Variants in DNAJC3 observed in about 807,000 individuals in gnomAD.
DNAJC3 encodes the protein DnaJ heat shock protein family (Hsp40) member C3.
A neutral mutation model predicts 68.6 loss-of-function variants in DNAJC3; 38 were observed. The ratio of observed to expected loss-of-function variants is 0.55; its 90% CI spans 0.43 to 0.73. The LOEUF is 0.73. DNAJC3 is among the 30% of genes least tolerant of loss of function. The pLI, the probability that DNAJC3 is intolerant of heterozygous loss-of-function variation, is 0.00. For synonymous variants in DNAJC3, 203 were observed against 204.0 expected, an observed-to-expected ratio of 1.00 and a Z score of 0.04; for missense variants, 526 against 591.9, an observed-to-expected ratio of 0.89 and a Z score of 1.16.
chr13:95,737,250 A>G (rs1375439567), intron 4 of DNAJC3, among the ~76,000 whole-genome samples: 3 of 152,248 alleles, frequency 2.0e-5, no homozygotes, highest in Non-Finnish European at 4.4e-5. Flanking sequence ...TTTTTGCATC[A>G]ATGTTCATCA....
chr13:95,736,972 CTTA>C lies in DNAJC3; in HGVS notation c.393+11726_393+11728del, dbSNP rs796748966. Among the ~76,000 whole-genome samples the C allele has an allele frequency of 3.2e-4, 48 of 151,550 alleles. 1 individual carries two copies. In the South Asian group the frequency reaches 9.6e-3, roughly 30 times the overall value. ...GGCTGTGGGTTTGTCATAGATAGCT[CTTA>C]TTATTTTGAAATAGGTCCCATCAAT... On this transcript the variant is annotated intron_variant, in intron 4 of 11. Transcript: ENST00000602402.
At chr13:95,690,595 G>T (rs984577652) in intron 1 of DNAJC3, among the ~76,000 whole-genome samples, 5 of 150,722 alleles carry the variant, frequency 3.3e-5, no homozygotes. Flanking sequence ...CCCGGACGGG[G>T]CGACTGGCCA....
intron 1 of DNAJC3, among the ~76,000 whole-genome samples, chr13:95,687,492 T>C (rs1449634566): frequency 2.0e-5 from 3 of 152,222 alleles, no homozygotes; most frequent in Non-Finnish European, 4.4e-5. Flanking sequence ...ATTCAGTATA[T>C]TGGCTGTGGG....
chr13:95,687,923 C>T (rs1880112498), intron 1 of DNAJC3, among the ~76,000 whole-genome samples: 1 of 152,128 alleles, frequency 6.6e-6, no homozygotes, highest in African/African-American at 2.4e-5. Flanking sequence ...GAATGTTTTT[C>T]CATTTGCTTG....
chr13:95,754,890 C>G (rs1286919963), intron 4 of DNAJC3, among the ~76,000 whole-genome samples: 4 of 152,130 alleles, frequency 2.6e-5, no homozygotes, highest in Non-Finnish European at 5.9e-5. Context: ...AAGCCCCCAT[C>G]CCGTAGCTAT....
intron 3 of DNAJC3, among the ~76,000 whole-genome samples, 185 bp from the exon 4 acceptor site, chr13:95,724,992 AG>A (rs1157167918): frequency 6.6e-6 from 1 of 152,198 alleles, no homozygotes; most frequent in African/African-American, 2.4e-5. Context: ...TTTTTAAGGA[AG>A]CATACTTTAA....
At position 95,709,271 on chromosome 13, in the gene DNAJC3, T is replaced by C. The variant is rs780502864; in HGVS notation, c.127T>C (p.Leu43=). 6.3e-7 allele frequency: 1 copy of C among 1,588,172 alleles called. No homozygotes were observed. Residue 43 remains leucine, a synonymous_variant, in exon 2 of 12, where the codon TTG becomes CTG. Transcript: ENST00000602402. ...TGCAGATGTTGAGAAACATCTTGAATTGGGCAAGAAATTACTTGCAGCTGG... is the reference window on the plus strand; with the variant it reads ...TGCAGATGTTGAGAAACATCTTGAACTGGGCAAGAAATTACTTGCAGCTGG... ...VNADVEKHLE[L]GKKLLAAGQL...
chr13:95,784,423 C>T (rs1447362001), intron 9 of DNAJC3, among the ~76,000 whole-genome samples: 2 of 152,004 alleles, frequency 1.3e-5, no homozygotes, highest in Admixed American at 6.6e-5. Flanking sequence ...GGACTTCTCT[C>T]CCTGTGACGT....
chr13:95,715,869 GT>G (rs1881126664), intron 2 of DNAJC3, among the ~76,000 whole-genome samples: 1 of 151,318 alleles, frequency 6.6e-6, no homozygotes, highest in Non-Finnish European at 1.5e-5. Flanking sequence ...AGAAAATAAA[GT>G]TTAAGGCTGG....
intron 1 of DNAJC3, among the ~76,000 whole-genome samples, chr13:95,679,154 G>C (rs1269863214): frequency 2.0e-5 from 3 of 148,942 alleles, no homozygotes; most frequent in South Asian, 2.1e-4. Flanking sequence ...CATCATGTGA[G>C]TCCAAGCACT....
intron 4 of DNAJC3, among the ~76,000 whole-genome samples, chr13:95,734,001 T>G (rs993723860): frequency 6.6e-6 from 1 of 152,156 alleles, no homozygotes; most frequent in Non-Finnish European, 1.5e-5. Context: ...TCATATTGTT[T>G]GTTGTTTTCT....
At chr13:95,764,452 A>G (rs1333714371) in intron 9 of DNAJC3, among the ~76,000 whole-genome samples, 1 of 148,778 alleles carries the variant, frequency 6.7e-6, no homozygotes, top group Non-Finnish European at 1.5e-5. Context: ...TATATCCCTA[A>G]TATAAAATGA....
At chr13:95,779,316 G>A (rs1883379589) in intron 9 of DNAJC3, among the ~76,000 whole-genome samples, 1 of 151,554 alleles carries the variant, frequency 6.6e-6, no homozygotes, top group Admixed American at 6.6e-5. Flanking sequence ...AGTAGAGACG[G>A]GGTTTCACCG....
At chr13:95,737,253 G>A (rs545615687) in intron 4 of DNAJC3, among the ~76,000 whole-genome samples, 103 of 152,210 alleles carry the variant, frequency 6.8e-4, no homozygotes, top group African/African-American at 2.3e-3. Flanking sequence ...TTGCATCAAT[G>A]TTCATCAAGG....
chr13:95,736,323 A>T (rs1290212967), intron 4 of DNAJC3, among the ~76,000 whole-genome samples: 1 of 151,648 alleles, frequency 6.6e-6, no homozygotes, highest in African/African-American at 2.4e-5. Flanking sequence ...TTGGTTCCAT[A>T]TGAACTTTAA....
intron 4 of DNAJC3, among the ~76,000 whole-genome samples, chr13:95,752,292 C>T (rs1231460350): frequency 6.6e-6 from 1 of 152,024 alleles, no homozygotes; most frequent in Non-Finnish European, 1.5e-5. Flanking sequence ...ATTAAAATAA[C>T]TTAATGAAAA....
intron 4 of DNAJC3, among the ~76,000 whole-genome samples, chr13:95,748,248 A>T (rs907616208): frequency 6.6e-6 from 1 of 152,196 alleles, no homozygotes; most frequent in Non-Finnish European, 1.5e-5. Context: ...ACTTTGACAG[A>T]GCAGAAACTT....
At chr13:95,705,318 G>A (rs1566474960) in intron 1 of DNAJC3, among the ~76,000 whole-genome samples, 1 of 152,024 alleles carries the variant, frequency 6.6e-6, no homozygotes, top group Non-Finnish European at 1.5e-5. Flanking sequence ...GCATTGATGT[G>A]CCCACCTAGT....
intron 4 of DNAJC3, among the ~76,000 whole-genome samples, chr13:95,748,566 A>G (rs754253556): frequency 6.6e-6 from 1 of 152,244 alleles, no homozygotes; most frequent in South Asian, 2.1e-4. Context: ...CTGTAATCCC[A>G]GCACTTTGGG....
Sources: gnomAD v4.1 joint callset for allele counts (sites outside exome capture counted in the v4.1 genomes callset) on GRCh38, gnomAD v4.1.1 for gene constraint, MANE v1.5 for transcripts, NCBI Gene and HGNC (gene_info 2026-07-23, HGNC 2026-07-21) for gene names.